The following GGTLC2 variants were observed in gnomAD, a reference collection of about 807,000 sequenced individuals.
GGTLC2 encodes glutathione hydrolase light chain 2.
A neutral mutation model predicts 20.2 loss-of-function variants in GGTLC2; 13 were observed. The ratio of observed to expected loss-of-function variants is 0.64; its 90% CI spans 0.42 to 1.02. The LOEUF is 1.02. Ranked by LOEUF, GGTLC2 falls within the 50% of genes least tolerant of loss-of-function variation. The pLI, the probability that GGTLC2 is intolerant of heterozygous loss-of-function variation, is 0.00. For synonymous variants in GGTLC2, 89 were observed against 125.5 expected, an observed-to-expected ratio of 0.71 and a Z score of 1.94; for missense variants, 202 against 301.3, an observed-to-expected ratio of 0.67 and a Z score of 2.44.
chr22:22,647,877 C>T lies in GGTLC2; in HGVS notation c.*136C>T, dbSNP rs961897533. 10 of 1,424,562 alleles carry T rather than the reference C, an allele frequency of 7.0e-6. No homozygotes were observed. In the Admixed American group the frequency reaches 8.2e-5, roughly 12 times the overall value. The allele number at this position is 1,424,562 out of a possible 1,614,324, so 88.2% of individuals were successfully genotyped here. A position where few individuals can be genotyped will look rare whatever the true frequency, so the allele number is the denominator to read the frequency against. On this transcript the variant is annotated 3_prime_UTR_variant, in exon 6 of 6. Coordinates refer to ENST00000448514, the MANE Select transcript of GGTLC2 (RefSeq NM_199127.3). ...TAAATGAGGCCACTGTGCCAGGCTCCAGGTGGCCTCCCTGCCCTGTCTCCC... is the reference window on the plus strand; with the variant it reads ...TAAATGAGGCCACTGTGCCAGGCTCTAGGTGGCCTCCCTGCCCTGTCTCCC...
At chr22:22,645,456 A>G (rs185410314) in intron 1 of GGTLC2, among the ~76,000 whole-genome samples, 1,561 of 147,870 alleles carry the variant, frequency 0.011, 20 homozygotes, top group Middle Eastern at 0.018. Context: ...GAAGTATCCA[A>G]AATCAAGCTC....
chr22:22,646,263 C>T (rs955153654), intron 1 of GGTLC2, 49 bp from the exon 2 acceptor site: 13 of 1,434,292 alleles, frequency 9.1e-6, no homozygotes, highest in Non-Finnish European at 8.5e-6. Flanking sequence ...CAGTCAGGGG[C>T]CTTCTGAGAC....
At position 22,647,053 on chromosome 22, in the gene GGTLC2, G is replaced by A. The variant is rs141088020; in HGVS notation, c.360+15G>A. On this transcript the variant is annotated intron_variant, in intron 4 of 5. Coordinates refer to ENST00000448514, the MANE Select transcript of GGTLC2 (RefSeq NM_199127.3). ...AGGACGGCCAGGTCCGGATGGTGGTGGGAGCTGCTGGGGGCACACAGATCA... is the reference window on the plus strand; with the variant it reads ...AGGACGGCCAGGTCCGGATGGTGGTAGGAGCTGCTGGGGGCACACAGATCA... 3.3e-4 allele frequency: 536 copies of A among 1,611,630 alleles called. No individual in the cohort carries two copies. Among genetic ancestry groups the A allele is most frequent in the Non-Finnish European group, 4.3e-4 (504 of 1,179,790 alleles).
In GGTLC2 at chr22:22,647,806, G is replaced by A; in HGVS notation, c.*65G>A. 1 of 1,595,646 alleles carries A rather than the reference G, an allele frequency of 6.3e-7. No homozygotes were observed. The highest frequency in any genetic ancestry group is 2.3e-5 in the East Asian group (1 of 44,268). ...AAGATACTCACCAGGACCAGGAAGG[G>A]GACTCTGGGGGACTGGCTTCCCCTG... On this transcript the variant is annotated 3_prime_UTR_variant, in exon 6 of 6. Coordinates refer to ENST00000448514, the MANE Select transcript of GGTLC2 (RefSeq NM_199127.3).
chr22:22,646,515 A>G lies in GGTLC2; in HGVS notation c.170A>G (p.Asn57Ser), dbSNP rs774504248. The G allele has an allele frequency of 1.9e-5, 30 of 1,562,198 alleles. No individual in the cohort carries two copies. Among genetic ancestry groups the G allele is most frequent in the Non-Finnish European group, 2.5e-5 (29 of 1,156,240 alleles). Residue 57 changes from asparagine to serine, a missense_variant, in exon 2 of 6, where the codon AAC (asparagine) becomes AGC (serine). By Grantham distance (46) the Asn-to-Ser change is conservative (BLOSUM62 1). This residue lies in a region of GGTLC2 where 44 missense variants were observed against 81.2 expected (regional missense o/e 0.54). Coordinates refer to ENST00000448514, the MANE Select transcript of GGTLC2 (RefSeq NM_199127.3). The stretch of plus-strand genomic sequence containing the variant: ...GCTGTGTCCGCCACCAGCACCATCA[A>G]CCTCTAGTAGGGGCTGCTGGGCCGC... Reference protein sequence around the residue: ...GSAVSATSTINLYFGSKVRSP... With the variant: ...GSAVSATSTISLYFGSKVRSP...
In GGTLC2 at chr22:22,647,870, C is replaced by T. The variant is rs1413844235; in HGVS notation, c.*129C>T. Reference sequence around the variant, plus strand: ...AGCACAATAAATGAGGCCACTGTGCCAGGCTCCAGGTGGCCTCCCTGCCCT... The same window carrying T: ...AGCACAATAAATGAGGCCACTGTGCTAGGCTCCAGGTGGCCTCCCTGCCCT... On this transcript the variant is annotated 3_prime_UTR_variant, in exon 6 of 6. Coordinates refer to ENST00000448514, the MANE Select transcript of GGTLC2 (RefSeq NM_199127.3). 4 of 1,471,222 alleles carry T rather than the reference C, an allele frequency of 2.7e-6. No homozygotes were observed. The African/African-American group carries it at 4.3e-5, about 16-fold the overall frequency. 91.1% of individuals were successfully genotyped at this position (1,471,222 alleles called of 1,614,324 possible).
At chr22:22,644,893 T>G (rs2063990230) in intron 1 of GGTLC2, among the ~76,000 whole-genome samples, 185 bp downstream of exon 1, 2 of 78,938 alleles carry the variant, frequency 2.5e-5, no homozygotes, top group African/African-American at 1.3e-4. Flanking sequence ...TTTTTTTTTT[T>G]TTTTTTTTTT....
chr22:22,647,514 G>A, intron 5 of GGTLC2, 81 bp from the exon 6 acceptor site: 4 of 1,601,562 alleles, frequency 2.5e-6, no homozygotes, highest in Non-Finnish European at 3.4e-6. Flanking sequence ...CACCACCTGG[G>A]CTGAGGCCTG....
At chr22:22,646,174 A>C in intron 1 of GGTLC2, 138 bp from the exon 2 acceptor site, 1 of 1,382,060 alleles carries the variant, frequency 7.2e-7, no homozygotes, top group East Asian at 2.5e-5. Context: ...CAGACTGGTC[A>C]TGCAAGATCC....
intron 5 of GGTLC2, 90 bp downstream of exon 5, chr22:22,647,380 G>A: frequency 6.2e-7 from 1 of 1,604,944 alleles, no homozygotes. Context: ...GTGGACAATT[G>A]TTGGTGTCCT....
At chr22:22,645,806 A>G (rs1441532782) in intron 1 of GGTLC2, among the ~76,000 whole-genome samples, 14 of 151,118 alleles carry the variant, frequency 9.3e-5, no homozygotes, top group Non-Finnish European at 1.3e-4. Context: ...TCACCAGCCT[A>G]TACCACCTGC....
chr22:22,644,903 T>TG, intron 1 of GGTLC2, among the ~76,000 whole-genome samples, 195 bp downstream of exon 1: 1 of 93,040 alleles, frequency 1.1e-5, no homozygotes, highest in Non-Finnish European at 2.1e-5. Flanking sequence ...TTTTTTTTTT[T>TG]TTTTTGAGAT....
chr22:22,646,716 G>A (rs534133176), intron 2 of GGTLC2, 38 bp from the exon 3 acceptor site: 2 of 1,604,440 alleles, frequency 1.2e-6, no homozygotes, highest in South Asian at 2.2e-5. Flanking sequence ...GGCTGGGCCA[G>A]GCAAGGTCAG....
intron 5 of GGTLC2, 93 bp from the exon 6 acceptor site, chr22:22,647,502 G>A: frequency 1.3e-6 from 2 of 1,593,298 alleles, no homozygotes; most frequent in Non-Finnish European, 1.7e-6. Context: ...GGCCCGAAAT[G>A]GCACCACCTG....
chr22:22,645,436 C>T (rs545591694), intron 1 of GGTLC2, among the ~76,000 whole-genome samples: 2,723 of 147,042 alleles, frequency 0.019, 31 homozygotes, highest in African/African-American at 0.048. Flanking sequence ...CCATGCTCTT[C>T]AGGTCTGATG....
chr22:22,646,828 A>G lies in GGTLC2; in HGVS notation c.251A>G (p.Asn84Ser), dbSNP rs3966348. ...GAAATGGATGACTTCAGCTCTCCCA[A>G]CATCACCAACGAGTTTGGGGTGCCC... Reference protein sequence around the residue: ...NDEMDDFSSPNITNEFGVPPS... With the variant: ...NDEMDDFSSPSITNEFGVPPS... Residue 84 changes from asparagine (N) to serine (S), a missense_variant, in exon 3 of 6, where the codon AAC becomes AGC. By Grantham distance (46) the Asn-to-Ser change is conservative (BLOSUM62 1). Coordinates refer to ENST00000448514, the MANE Select transcript of GGTLC2 (RefSeq NM_199127.3). 2.7e-4 allele frequency: 439 copies of G among 1,612,886 alleles called. No individual in the cohort carries two copies. The highest frequency in any genetic ancestry group is 6.3e-4 in the South Asian group (57 of 91,012).
At chr22:22,645,242 G>T (rs2064019807) in intron 1 of GGTLC2, among the ~76,000 whole-genome samples, 1 of 151,014 alleles carries the variant, frequency 6.6e-6, no homozygotes, top group Admixed American at 6.6e-5. Flanking sequence ...ATTTTCTTCG[G>T]CCTTCGGGTC....
chr22:22,645,019 A>C (rs2064002397), intron 1 of GGTLC2, among the ~76,000 whole-genome samples: 1 of 136,578 alleles, frequency 7.3e-6, no homozygotes, highest in African/African-American at 2.8e-5. Flanking sequence ...CAGCCTCTGG[A>C]GTAGTTGGGA....
chr22:22,646,698 A>G (rs2064104696), intron 2 of GGTLC2, 56 bp from the exon 3 acceptor site: 9 of 1,590,920 alleles, frequency 5.7e-6, no homozygotes, highest in African/African-American at 1.3e-5. Flanking sequence ...GTGGGTGGAT[A>G]GGGACCAGGC....
Sources: gnomAD v4.1 joint callset for allele counts (sites outside exome capture counted in the v4.1 genomes callset) on GRCh38, gnomAD v4.1.1 for gene constraint, gnomAD v4.1.1 regional missense constraint, MANE v1.5 for transcripts, NCBI Gene and HGNC (gene_info 2026-07-23, HGNC 2026-07-21) for gene names.